The following SNTB2 variants were observed in gnomAD, a reference collection of about 807,000 sequenced individuals.
SNTB2 encodes the protein beta-2-syntrophin.
SNTB2 carries 34 observed loss-of-function variants against 46.2 expected under a neutral mutation model. The ratio of observed to expected loss-of-function variants is 0.74; its 90% CI spans 0.56 to 0.98. The LOEUF is 0.98. SNTB2 is among the 50% of genes least tolerant of loss of function. The pLI, the probability that SNTB2 is intolerant of heterozygous loss-of-function variation, is 0.00. For missense variants in SNTB2, 603 were observed against 731.4 expected (o/e 0.82, Z 2.02); for synonymous variants, 290 against 312.6 (o/e 0.93, Z 0.76).
intron 4 of SNTB2, among the ~76,000 whole-genome samples, chr16:69,277,264 A>G (rs181125859): frequency 8.5e-5 from 13 of 152,326 alleles, no homozygotes. Flanking sequence ...TGGAAAACTC[A>G]TATCTGCTAC....
At chr16:69,213,962 C>T (rs1212644460) in intron 1 of SNTB2, among the ~76,000 whole-genome samples, 1 of 148,356 alleles carries the variant, frequency 6.7e-6, no homozygotes, top group East Asian at 2.0e-4. Context: ...GCTGGGACTA[C>T]AGGCACCTGC....
intron 1 of SNTB2, among the ~76,000 whole-genome samples, chr16:69,213,143 C>T (rs986035312): frequency 2.0e-5 from 3 of 151,860 alleles, no homozygotes; most frequent in Admixed American, 6.6e-5. Context: ...GGAGTAATAA[C>T]GTGCCCATTT....
intron 5 of SNTB2, 41 bp from the exon 6 acceptor site, chr16:69,299,547 CAT>C: frequency 6.3e-7 from 1 of 1,582,128 alleles, no homozygotes; most frequent in Non-Finnish European, 8.7e-7. Flanking sequence ...TGATAACTGA[CAT>C]AGCAACTTTA....
chr16:69,207,155 T>C (rs1964230636), intron 1 of SNTB2, among the ~76,000 whole-genome samples: 1 of 82,492 alleles, frequency 1.2e-5, no homozygotes, highest in Non-Finnish European at 2.8e-5. Flanking sequence ...TCTTTCTTTC[T>C]TTTTTTTTTT....
At chr16:69,239,831 C>A (rs1449948753) in intron 1 of SNTB2, among the ~76,000 whole-genome samples, 2 of 152,156 alleles carry the variant, frequency 1.3e-5, no homozygotes, top group Admixed American at 6.6e-5. Flanking sequence ...AGGCATGAGC[C>A]ACGACGCCTG....
intron 1 of SNTB2, among the ~76,000 whole-genome samples, chr16:69,222,265 G>T (rs1964412567): frequency 6.6e-6 from 1 of 152,034 alleles, no homozygotes; most frequent in Non-Finnish European, 1.5e-5. Flanking sequence ...TAAATGATAA[G>T]TATAGCTTTT....
chr16:69,267,299 G>C (rs1278713270), intron 3 of SNTB2, among the ~76,000 whole-genome samples: 1 of 152,192 alleles, frequency 6.6e-6, no homozygotes, highest in Non-Finnish European at 1.5e-5. Context: ...TTACAGGCGT[G>C]AGCTACCATG....
intron 1 of SNTB2, among the ~76,000 whole-genome samples, chr16:69,231,384 A>C (rs1964504855): frequency 6.6e-6 from 1 of 151,736 alleles, no homozygotes; most frequent in African/African-American, 2.4e-5. Flanking sequence ...AGGTGGGGAG[A>C]TGGAGACCAG....
In SNTB2 at chr16:69,260,109, C is replaced by A. The variant is rs1348546200; in HGVS notation, c.854C>A (p.Thr285Lys). 6.2e-7 allele frequency: 1 copy of A among 1,613,702 alleles called. No homozygotes were observed. Among genetic ancestry groups the A allele is most frequent in the African/African-American group, 1.3e-5 (1 of 74,822 alleles). ...ACGTTGATCCTACGCTGCAAAGATA[C>A]AGCCACAGCACACTCCTGGTTCGTA... ...RNTLILRCKD[T>K]ATAHSWFVAI... The change falls in exon 3 of 7, where the codon ACA (threonine) becomes AAA (lysine). Residue 285 changes from threonine (T) to lysine (K), a missense_variant. By Grantham distance (78) the Thr-to-Lys change is moderately conservative (BLOSUM62 -1). Transcript: ENST00000336278.
intron 4 of SNTB2, among the ~76,000 whole-genome samples, chr16:69,279,453 A>G (rs1008665017): frequency 1.3e-5 from 2 of 151,398 alleles, no homozygotes; most frequent in Admixed American, 6.6e-5. Context: ...TAGGTGGGCA[A>G]ATATGTTCAA....
chr16:69,284,082 T>C lies in SNTB2; in HGVS notation c.1183T>C (p.Ser395Pro). The change falls in exon 5 of 7, where the codon TCC (serine) becomes CCC (proline). Residue 395 changes from serine to proline, a missense_variant. By Grantham distance (74) the Ser-to-Pro change is moderately conservative. Coordinates refer to ENST00000336278, the MANE Select transcript of SNTB2 (RefSeq NM_006750.4). Reference sequence around the variant, plus strand: ...TTCTGGCTCCGGATGTCGATCCCCCTCCCTTGGATCTGACCTTACATTTGC... The same window carrying C: ...TTCTGGCTCCGGATGTCGATCCCCCCCCCTTGGATCTGACCTTACATTTGC... ...VHSGSGCRSPSLGSDLTFATR... is the reference protein window; with the variant it reads ...VHSGSGCRSPPLGSDLTFATR... 1 of 1,613,482 alleles carries C rather than the reference T, an allele frequency of 6.2e-7. No individual in the cohort carries two copies. The highest frequency in any genetic ancestry group is 8.5e-7 in the Non-Finnish European group (1 of 1,179,650).
At chr16:69,279,515 CTTTTT>C (rs57637291) in intron 4 of SNTB2, among the ~76,000 whole-genome samples, 460 of 71,630 alleles carry the variant, frequency 6.4e-3, no homozygotes, top group Non-Finnish European at 0.01. Context: ...GTCCTTTGCC[CTTTTT>C]TTTTTTTTTT....
rs1965308157 is a variant in SNTB2, at chr16:69,305,235, C to T, written c.*4311C>T. 1 of 152,568 alleles carries T rather than the reference C, an allele frequency of 6.6e-6. No individual in the cohort carries two copies. Among genetic ancestry groups the T allele is most frequent in the Admixed American group, 6.5e-5 (1 of 15,268 alleles). 9.5% of individuals were successfully genotyped at this position (152,568 alleles called of 1,614,324 possible). On this transcript the variant is annotated 3_prime_UTR_variant, in exon 7 of 7. Coordinates refer to ENST00000336278, the MANE Select transcript of SNTB2 (RefSeq NM_006750.4). ...TACCTTGTATGCTGCTATGCAAATT[C>T]TATTAAAAGGCCTACCTGCTTAAGA...
rs1291261454 is a variant in SNTB2 at position 69,292,435 on chromosome 16, T to TATATATATA, written c.1346-7155_1346-7154insATATATATA. On this transcript the variant is annotated intron_variant, in intron 5 of 6. Coordinates refer to ENST00000336278, the MANE Select transcript of SNTB2 (RefSeq NM_006750.4). ...TATATATATTATATATATATATATA[T>TATATATATA]TATATATATATAATTTTTTTTTTGA... is the stretch of plus-strand genomic sequence containing the variant. Among the ~76,000 whole-genome samples the TATATATATA allele has an allele frequency of 1.1e-3, 12 of 10,498 alleles. 3 individuals carry two copies. The highest frequency in any genetic ancestry group is 4.4e-3 in the African/African-American group (10 of 2,282). The allele number at this position is 10,498 out of a possible 152,430, so 6.9% of individuals were successfully genotyped here.
At chr16:69,220,926 C>G (rs1964397520) in intron 1 of SNTB2, among the ~76,000 whole-genome samples, 1 of 152,148 alleles carries the variant, frequency 6.6e-6, no homozygotes, top group South Asian at 2.1e-4. Flanking sequence ...TTCCCCTGTT[C>G]CTCACTTGTA....
In SNTB2 at chr16:69,187,623, C is replaced by T; in HGVS notation, c.457C>T (p.Gln153Ter). Residue 153 changes from glutamine (Q) to a stop codon, truncating the protein, a stop_gained, in exon 1 of 7, where the codon CAG (glutamine) becomes TAG (stop). Transcript: ENST00000336278. LOFTEE classifies it high-confidence loss of function. ...GATCTTCCCCGGGCTGGCTGCCGAC[C>T]AGAGCCGGGCGCTGCGGCTGGGCGA... is the stretch of plus-strand genomic sequence containing the variant. The part of the protein sequence containing the change: ...SKIFPGLAAD[Q>*]SRALRLGDAI... 6.4e-7 allele frequency: 1 copy of T among 1,556,472 alleles called. No individual in the cohort carries two copies. The highest frequency in any genetic ancestry group is 8.6e-7 in the Non-Finnish European group (1 of 1,156,120).
intron 1 of SNTB2, among the ~76,000 whole-genome samples, chr16:69,199,438 A>T (rs1385261944): frequency 1.3e-5 from 2 of 151,980 alleles, no homozygotes; most frequent in Non-Finnish European, 2.9e-5. Flanking sequence ...GCATTAATTA[A>T]AGCGATGTTG....
intron 1 of SNTB2, among the ~76,000 whole-genome samples, chr16:69,216,004 G>T (rs1964343311): frequency 6.6e-6 from 1 of 152,108 alleles, no homozygotes; most frequent in African/African-American, 2.4e-5. Flanking sequence ...ATGAGGGTGG[G>T]GAGGTCTTAC....
rs1300061503 is a variant in SNTB2 at position 69,308,338 on chromosome 16, G to T, written c.*7414G>T. 6.6e-6 allele frequency: 1 copy of T among 152,610 alleles called. No individual in the cohort carries two copies. Among genetic ancestry groups the T allele is most frequent in the African/African-American group, 2.4e-5 (1 of 41,444 alleles). The allele number at this position is 152,610 out of a possible 1,614,324, so 9.5% of individuals were successfully genotyped here. ...TAATAGAATTGGGGGGAGAGGAAAT[G>T]ATGATGTCAATTAAGTTTCAGGTTT... On this transcript the variant is annotated 3_prime_UTR_variant, in exon 7 of 7. Transcript: ENST00000336278.
Sources: allele counts gnomAD v4.1 joint callset (sites outside exome capture counted in the v4.1 genomes callset), GRCh38; gene constraint gnomAD v4.1.1; transcripts MANE v1.5; gene names NCBI Gene and HGNC (gene_info 2026-07-23, HGNC 2026-07-21).